GPR82: variants seen among roughly 807,000 people sequenced by gnomAD.
GPR82 encodes the protein probable G protein-coupled receptor 82.
A neutral mutation model predicts 12.9 loss-of-function variants in GPR82; 6 were observed. The ratio of observed to expected loss-of-function variants is 0.46; its 90% CI spans 0.25 to 0.92. GPR82 has a LOEUF of 0.92. GPR82 is among the 40% of genes least tolerant of loss of function. The pLI is 0.16. For missense variants in GPR82, 241 were observed against 245.5 expected, an observed-to-expected ratio of 0.98 and a Z score of 0.12; for synonymous variants, 90 against 87.6, an observed-to-expected ratio of 1.03 and a Z score of -0.15.
Position 41,729,944 on chromosome X carries a change from G to T in GPR82, c.*1907G>T, listed in dbSNP as rs2068360500. ...GTAATCTTGTCAGTAGACAAATGAT[G>T]GTGACTATATTCTGTAATAAGTACA... On this transcript the variant is annotated 3_prime_UTR_variant, in exon 3 of 3. Transcript: ENST00000302548. The T allele has an allele frequency of 8.7e-6, 1 of 114,901 alleles. No homozygotes were observed. Among genetic ancestry groups the T allele is most frequent in the African/African-American group, 3.5e-5 (1 of 28,516 alleles). The allele number at this position is 114,901 out of a possible 1,213,427, so 9.5% of individuals were successfully genotyped here. A position where few individuals can be genotyped will look rare whatever the true frequency, so the allele number is the denominator to read the frequency against.
In GPR82 at chrX:41,730,094, A is replaced by G. The variant is rs1231706777; in HGVS notation, c.*2057A>G. The G allele has an allele frequency of 8.2e-6, 1 of 121,835 alleles. No individual in the cohort carries two copies. Among genetic ancestry groups the G allele is most frequent in the African/African-American group, 3.3e-5 (1 of 30,447 alleles). 10.0% of individuals were successfully genotyped at this position (121,835 alleles called of 1,213,427 possible). ...TGATATTCTCTTCTCAGATAACCAA[A>G]CAAAAACAGCTGAATAAAATCAACC... On this transcript the variant is annotated 3_prime_UTR_variant, in exon 3 of 3. Transcript: ENST00000302548.
In GPR82 at chrX:41,725,352, T is replaced by C. The variant is rs1252632845; in HGVS notation, c.-106+1063T>C. ...CAGAAAATAAATCAAACCATAATTC[T>C]GAAGGGGGTAGAGAGTAAAATTGCC... On this transcript the variant is annotated intron_variant, in intron 1 of 2. Transcript: ENST00000302548. 3.6e-5 allele frequency among the ~76,000 whole-genome samples: 4 copies of C among 111,355 alleles called. No individual in the cohort carries two copies. The East Asian group carries it at 1.1e-3, about 31-fold the overall frequency.
chrX:41,726,282 T>G (rs1485994258), intron 1 of GPR82, among the ~76,000 whole-genome samples: 1 of 112,191 alleles, frequency 8.9e-6, no homozygotes, highest in African/African-American at 3.2e-5. Flanking sequence ...TGTGTAAACT[T>G]TTATTGAAGT....
chrX:41,728,348 A>G lies in GPR82; in HGVS notation c.*311A>G. Reference sequence around the variant, plus strand: ...TCTGTTCAGAACACGTTATTTCATGACTAGGATAAAGAAGCAAATGGTTTA... The same window carrying G: ...TCTGTTCAGAACACGTTATTTCATGGCTAGGATAAAGAAGCAAATGGTTTA... On this transcript the variant is annotated 3_prime_UTR_variant, in exon 3 of 3. Transcript: ENST00000302548. 1 of 168,340 alleles carries G rather than the reference A, an allele frequency of 5.9e-6. No individual in the cohort carries two copies. The highest frequency in any genetic ancestry group is 2.7e-4 in the South Asian group (1 of 3,650). 13.9% of individuals were successfully genotyped at this position (168,340 alleles called of 1,213,427 possible). A position where few individuals can be genotyped will look rare whatever the true frequency, so the allele number is the denominator to read the frequency against.
rs944188425 is a variant in GPR82 at position 41,727,254 on chromosome X, G to T, written c.228G>T (p.Leu76=). The T allele has an allele frequency of 6.6e-6, 8 of 1,207,254 alleles. No homozygotes were observed. The African/African-American group carries it at 1.4e-4, about 21-fold the overall frequency. Residue 76 remains leucine (L), a synonymous_variant, in exon 3 of 3, where the codon CTG becomes CTT. Transcript: ENST00000302548. ...SAMPFMSIYF[L]KGFQWEYQSA... is the part of the protein sequence containing the mutation. ...TGCCTTTCATGAGTATCTATTTCCT[G>T]AAAGGTTTCCAATGGGAATATCAAT...
intron 1 of GPR82, among the ~76,000 whole-genome samples, chrX:41,724,880 T>G (rs1246383614): frequency 1.8e-5 from 2 of 112,405 alleles, no homozygotes; most frequent in African/African-American, 6.5e-5. Flanking sequence ...AGGTAGGAGC[T>G]ACTGCTTTTC....
intron 1 of GPR82, among the ~76,000 whole-genome samples, chrX:41,724,945 G>A (rs767427426): frequency 8.9e-6 from 1 of 112,129 alleles, no homozygotes; most frequent in Non-Finnish European, 1.9e-5. Flanking sequence ...AAAACCTACT[G>A]TGAGCAGATA....
rs1204244781 is a variant in GPR82 at position 41,729,554 on chromosome X, C to A, written c.*1517C>A. 1.7e-5 allele frequency: 2 copies of A among 116,662 alleles called. No homozygotes were observed. Among genetic ancestry groups the A allele is most frequent in the African/African-American group, 6.9e-5 (2 of 29,125 alleles). 9.6% of individuals were successfully genotyped at this position (116,662 alleles called of 1,213,427 possible). On this transcript the variant is annotated 3_prime_UTR_variant, in exon 3 of 3. Coordinates refer to ENST00000302548, the MANE Select transcript of GPR82 (RefSeq NM_080817.5). ...GCCAACATGGCGAAACCCACCTCTA[C>A]TAAAAATACAAAAATTAGCTGGGCG...
At position 41,729,749 on chromosome X, in the gene GPR82, CAAAAAAAAAAAAA is replaced by C. The variant is rs1162361118; in HGVS notation, c.*1733_*1745del. The C allele has an allele frequency of 7.1e-5, 1 of 14,114 alleles. No individual in the cohort carries two copies. The highest frequency in any genetic ancestry group is 1.2e-4 in the Non-Finnish European group (1 of 8,424). The allele number at this position is 14,114 out of a possible 1,213,427, so 1.2% of individuals were successfully genotyped here. A position where few individuals can be genotyped will look rare whatever the true frequency, so the allele number is the denominator to read the frequency against. On this transcript the variant is annotated 3_prime_UTR_variant, in exon 3 of 3. Coordinates refer to ENST00000302548, the MANE Select transcript of GPR82 (RefSeq NM_080817.5). ...TGGGCGACAGAGTGAGACTCTGTCT[CAAAAAAAAAAAAA>C]AAAAAAAAAAAAAAAAAAAATATAT...
intron 1 of GPR82, among the ~76,000 whole-genome samples, chrX:41,725,266 GTTA>G (rs760607185): frequency 1.6e-4 from 18 of 111,623 alleles, no homozygotes; most frequent in Non-Finnish European, 2.8e-4. Context: ...GGTTTAAAAA[GTTA>G]TTATAAAATT....
At position 41,727,732 on chromosome X, in the gene GPR82, T is replaced by C; in HGVS notation, c.706T>C (p.Ser236Pro). Residue 236 changes from serine to proline, a missense_variant, in exon 3 of 3, where the codon TCC becomes CCC. Coordinates refer to ENST00000302548, the MANE Select transcript of GPR82 (RefSeq NM_080817.5). ...SHLRKIRTCT[S>P]IMEKDLTYSS... ...TCTGAGAAAAATAAGAACCTGTACG[T>C]CCATTATGGAGAAAGATTTGACTTA... is the stretch of plus-strand genomic sequence containing the variant. 2 of 1,205,981 alleles carry C rather than the reference T, an allele frequency of 1.7e-6. No individual in the cohort carries two copies. Among genetic ancestry groups the C allele is most frequent in the Non-Finnish European group, 2.2e-6 (2 of 890,282 alleles).
chrX:41,727,741 G>A lies in GPR82; in HGVS notation c.715G>A (p.Glu239Lys). The change falls in exon 3 of 3, where the codon GAG becomes AAG. Residue 239 changes from glutamate (E) to lysine (K), a missense_variant. By Grantham distance (56) the Glu-to-Lys change is moderately conservative. Transcript: ENST00000302548. The stretch of plus-strand genomic sequence containing the variant: ...AATAAGAACCTGTACGTCCATTATG[G>A]AGAAAGATTTGACTTACAGTTCTGT... Reference protein sequence around the residue: ...RKIRTCTSIMEKDLTYSSVKR... With the variant: ...RKIRTCTSIMKKDLTYSSVKR... 1 of 1,207,646 alleles carries A rather than the reference G, an allele frequency of 8.3e-7. No homozygotes were observed. Among genetic ancestry groups the A allele is most frequent in the Non-Finnish European group, 1.1e-6 (1 of 891,825 alleles).
chrX:41,728,029 T>C lies in GPR82; in HGVS notation c.1003T>C (p.Tyr335His), dbSNP rs2068299615. The change falls in exon 3 of 3, where the codon TAT (tyrosine) becomes CAT (histidine). Residue 335 changes from tyrosine (Y) to histidine (H), a missense_variant. Transcript: ENST00000302548. ...TKSNSAHMQS[Y>H]G ...GTCTAATTCAGCACATATGCAATCA[T>C]ATGGTTGACTTTTGAATGGAAAACC... 3 of 1,087,969 alleles carry C rather than the reference T, an allele frequency of 2.8e-6. No individual in the cohort carries two copies. The highest frequency in any genetic ancestry group is 3.7e-6 in the Non-Finnish European group (3 of 815,848). The allele number at this position is 1,087,969 out of a possible 1,213,427, so 89.7% of individuals were successfully genotyped here.
chrX:41,727,785 C>T lies in GPR82; in HGVS notation c.759C>T (p.Val253=), dbSNP rs1467045744. 1 of 1,205,349 alleles carries T rather than the reference C, an allele frequency of 8.3e-7. No individual in the cohort carries two copies. Among genetic ancestry groups the T allele is most frequent in the Non-Finnish European group, 1.1e-6 (1 of 889,871 alleles). Residue 253 remains valine, a synonymous_variant, in exon 3 of 3, where the codon GTC becomes GTT. Coordinates refer to ENST00000302548, the MANE Select transcript of GPR82 (RefSeq NM_080817.5). ...GTTCTGTGAAAAGACATCTTTTGGT[C>T]ATCCAGATTCTACTAATAGTTTGCT... ...TYSSVKRHLL[V]IQILLIVCFL...
Position 41,724,275 on chromosome X carries a change from A to G in GPR82, c.-120A>G, listed in dbSNP as rs2068216734. The G allele has an allele frequency of 8.9e-6, 1 of 112,808 alleles. No homozygotes were observed. Among genetic ancestry groups the G allele is most frequent in the African/African-American group, 3.2e-5 (1 of 31,094 alleles). The allele number at this position is 112,808 out of a possible 1,213,427, so 9.3% of individuals were successfully genotyped here. On this transcript the variant is annotated 5_prime_UTR_variant, in exon 1 of 3. It adds an upstream start codon to the 5' untranslated region. Coordinates refer to ENST00000302548, the MANE Select transcript of GPR82 (RefSeq NM_080817.5). ...TGAACAATATAACCTTAGTTGGCAT[A>G]AACTACTCATACAGGTAAGAGTGAT...
Position 41,727,241 on chromosome X carries a change from G to C in GPR82, c.215G>C (p.Ser72Thr), listed in dbSNP as rs1569421193. The change falls in exon 3 of 3, where the codon AGT becomes ACT. Residue 72 changes from serine to threonine, a missense_variant. By Grantham distance (58) the Ser-to-Thr change is moderately conservative (BLOSUM62 1). Transcript: ENST00000302548. ...LLVCSAMPFMSIYFLKGFQWE... is the reference protein window; with the variant it reads ...LLVCSAMPFMTIYFLKGFQWE... ...GTGTGCAGTGCCATGCCTTTCATGA[G>C]TATCTATTTCCTGAAAGGTTTCCAA... 8.3e-7 allele frequency: 1 copy of C among 1,203,552 alleles called. No individual in the cohort carries two copies. Among genetic ancestry groups the C allele is most frequent in the Admixed American group, 2.2e-5 (1 of 46,023 alleles).
Position 41,727,020 on chromosome X carries a change from G to C in GPR82, c.-7G>C, listed in dbSNP as rs1263913863. ...CCTGTGACAAAATTCAAGAAAACCT[G>C]ACATAAATGAACAACAATACAACAT... On this transcript the variant is annotated 5_prime_UTR_variant, in exon 3 of 3. Coordinates refer to ENST00000302548, the MANE Select transcript of GPR82 (RefSeq NM_080817.5). The C allele has an allele frequency of 1.9e-6, 2 of 1,067,710 alleles. No individual in the cohort carries two copies. Among genetic ancestry groups the C allele is most frequent in the Non-Finnish European group, 2.5e-6 (2 of 805,446 alleles). 88.0% of individuals were successfully genotyped at this position (1,067,710 alleles called of 1,213,427 possible).
Position 41,728,038 on chromosome X carries a change from CT to C in GPR82, c.*5del. ...AGCACATATGCAATCATATGGTTGA[CT>C]TTTGAATGGAAAACCCCACAATATT... On this transcript the variant is annotated 3_prime_UTR_variant, in exon 3 of 3. Coordinates refer to ENST00000302548, the MANE Select transcript of GPR82 (RefSeq NM_080817.5). 9.5e-7 allele frequency: 1 copy of C among 1,057,190 alleles called. No individual in the cohort carries two copies. The highest frequency in any genetic ancestry group is 1.3e-6 in the Non-Finnish European group (1 of 792,044). The allele number at this position is 1,057,190 out of a possible 1,213,427, so 87.1% of individuals were successfully genotyped here. A position where few individuals can be genotyped will look rare whatever the true frequency, so the allele number is the denominator to read the frequency against.
At position 41,729,786 on chromosome X, in the gene GPR82, A is replaced by G. The variant is rs1388833775; in HGVS notation, c.*1749A>G. On this transcript the variant is annotated 3_prime_UTR_variant, in exon 3 of 3. Transcript: ENST00000302548. The stretch of plus-strand genomic sequence containing the variant: ...AAAAAAAAAAAAAAAAAAAAAATAT[A>G]TATATATATATATATATATATGTAT... 8 of 77,202 alleles carry G rather than the reference A, an allele frequency of 1.0e-4. No individual in the cohort carries two copies. Among genetic ancestry groups the G allele is most frequent in the Non-Finnish European group, 1.0e-4 (4 of 40,061 alleles). 6.4% of individuals were successfully genotyped at this position (77,202 alleles called of 1,213,427 possible).
Sources: gnomAD v4.1 joint callset for allele counts (sites outside exome capture counted in the v4.1 genomes callset) on GRCh38, gnomAD v4.1.1 for gene constraint, MANE v1.5 for transcripts, NCBI Gene and HGNC (gene_info 2026-07-23, HGNC 2026-07-21) for gene names.